ARID2: variants seen among roughly 807,000 people sequenced by gnomAD.
The protein encoded by ARID2 is AT-rich interaction domain 2, also known as AT-rich interactive domain-containing protein 2.
ARID2 carries 32 observed loss-of-function variants against 184.6 expected under a neutral mutation model. That is an observed-to-expected ratio of 0.17 (90% CI 0.13 to 0.23). ARID2 has a LOEUF of 0.23. ARID2 is among the 10% of genes least tolerant of loss of function. The pLI, the probability that ARID2 is intolerant of heterozygous loss-of-function variation, is 1.00. For missense variants in ARID2, 1,696 were observed against 2,197.6 expected, an observed-to-expected ratio of 0.77 and a Z score of 4.56; for synonymous variants, 836 against 772.6, an observed-to-expected ratio of 1.08 and a Z score of -1.36.
At chr12:45,805,121 G>T (rs2138073741) in intron 3 of ARID2, among the ~76,000 whole-genome samples, 1 of 151,952 alleles carries the variant, frequency 6.6e-6, no homozygotes, top group South Asian at 2.1e-4. Flanking sequence ...TTTTATTTTA[G>T]GGTGTATGCC....
At chr12:45,759,366 ACTGT>A (rs576095957) in intron 3 of ARID2, among the ~76,000 whole-genome samples, 102 of 152,276 alleles carry the variant, frequency 6.7e-4, no homozygotes, top group South Asian at 3.5e-3. Context: ...TGATGTACAG[ACTGT>A]CTATCAAAAA....
At chr12:45,798,350 G>A (rs1419824876) in intron 3 of ARID2, among the ~76,000 whole-genome samples, 6 of 152,154 alleles carry the variant, frequency 3.9e-5, no homozygotes, top group African/African-American at 1.4e-4. Flanking sequence ...TACAAACAAT[G>A]TAAATCAGTC....
rs557392132 is a variant in ARID2 at position 45,870,095 on chromosome 12, C to G, written c.4922+9146C>G. Among the ~76,000 whole-genome samples the G allele has an allele frequency of 4.6e-5, 7 of 152,094 alleles. No individual in the cohort carries two copies. The South Asian group carries it at 1.5e-3, about 32-fold the overall frequency. On this transcript the variant is annotated intron_variant, in intron 16 of 20. Transcript: ENST00000334344. ...CCGCCTCCTGGGTTCACGCCATTCT[C>G]CTGCCTCAGCCTCCTGAGTAGCTGG...
At chr12:45,779,696 T>C (rs1043010331) in intron 3 of ARID2, among the ~76,000 whole-genome samples, 1 of 152,120 alleles carries the variant, frequency 6.6e-6, no homozygotes, top group Non-Finnish European at 1.5e-5. Context: ...TTTTCTGTCA[T>C]CTTTTAGTTT....
At chr12:45,782,019 A>G (rs1246983940) in intron 3 of ARID2, among the ~76,000 whole-genome samples, 1 of 152,190 alleles carries the variant, frequency 6.6e-6, no homozygotes, top group Non-Finnish European at 1.5e-5. Context: ...GAGGTATAAA[A>G]AGTTAATATA....
At chr12:45,739,488 A>C (rs1592046508) in intron 3 of ARID2, among the ~76,000 whole-genome samples, 1 of 114,062 alleles carries the variant, frequency 8.8e-6, no homozygotes, top group African/African-American at 3.4e-5. Flanking sequence ...TCTGTCGCCC[A>C]GGCTGGAGTG....
chr12:45,768,474 A>G (rs190108137), intron 3 of ARID2, among the ~76,000 whole-genome samples: 6 of 152,304 alleles, frequency 3.9e-5, no homozygotes, highest in African/African-American at 1.4e-4. Flanking sequence ...GAAGTGCACC[A>G]TTGTTCCCCA....
In ARID2 at chr12:45,829,280, CAAG is replaced by C. The variant is rs533112886; in HGVS notation, c.706-7306_706-7304del. 5.9e-5 allele frequency among the ~76,000 whole-genome samples: 9 copies of C among 152,110 alleles called. No individual in the cohort carries two copies. The South Asian group carries it at 1.9e-3, about 32-fold the overall frequency. ...GGCTTGAAAGTACCAGATTTTTAGTCAAGAAACTGAAATTCTTCCTACTACATT... is the reference window on the plus strand; with the variant it reads ...GGCTTGAAAGTACCAGATTTTTAGTCAAACTGAAATTCTTCCTACTACATT... On this transcript the variant is annotated intron_variant, in intron 6 of 20. Coordinates refer to ENST00000334344, the MANE Select transcript of ARID2 (RefSeq NM_152641.4).
intron 16 of ARID2, among the ~76,000 whole-genome samples, chr12:45,884,655 C>A (rs1204976650): frequency 3.3e-5 from 5 of 152,194 alleles, no homozygotes; most frequent in Non-Finnish European, 7.3e-5. Flanking sequence ...ATACAGAAAT[C>A]TTTTCCTGTA....
At chr12:45,862,005 A>G (rs1943758062) in intron 16 of ARID2, among the ~76,000 whole-genome samples, 1 of 152,228 alleles carries the variant, frequency 6.6e-6, no homozygotes, top group African/African-American at 2.4e-5. Flanking sequence ...TTTGTGATAT[A>G]GATATTATAC....
rs138640599 is a variant in ARID2 at position 45,885,883 on chromosome 12, A to C, written c.4923-5897A>C. On this transcript the variant is annotated intron_variant, in intron 16 of 20. Coordinates refer to ENST00000334344, the MANE Select transcript of ARID2 (RefSeq NM_152641.4). ...CTCCTACTGGGTCCCTCCTATGACA[A>C]GTAAGGATTATGGGAACTACAATTC... Among the ~76,000 whole-genome samples the C allele has an allele frequency of 7.0e-3, 1,073 of 152,284 alleles. 10 individuals are homozygous for C. The highest frequency in any genetic ancestry group is 0.024 in the African/African-American group (1,013 of 41,560).
chr12:45,891,964 T>C (rs770887467), intron 17 of ARID2, 46 bp downstream of exon 17: 1 of 1,613,944 alleles, frequency 6.2e-7, no homozygotes, highest in South Asian at 1.1e-5. Context: ...TTTGACTGCA[T>C]TAAAGATTTT....
chr12:45,781,322 A>G (rs542185845), intron 3 of ARID2, among the ~76,000 whole-genome samples: 427 of 50,922 alleles, frequency 8.4e-3, no homozygotes, highest in Non-Finnish European at 0.014. Context: ...AAACTCACTC[A>G]GTGATTGTTG....
At chr12:45,749,414 C>T (rs898005280) in intron 3 of ARID2, among the ~76,000 whole-genome samples, 1 of 152,102 alleles carries the variant, frequency 6.6e-6, no homozygotes, top group African/African-American at 2.4e-5. Context: ...TTATAGAGTA[C>T]AGACAGAGTA....
At chr12:45,758,133 ATACT>A (rs1941603951) in intron 3 of ARID2, among the ~76,000 whole-genome samples, 1 of 152,202 alleles carries the variant, frequency 6.6e-6, no homozygotes, top group Admixed American at 6.5e-5. Context: ...GACATATTAC[ATACT>A]TTTTTCTTGA....
At chr12:45,897,532 C>T (rs1184736666) in intron 20 of ARID2, among the ~76,000 whole-genome samples, 1 of 152,182 alleles carries the variant, frequency 6.6e-6, no homozygotes, top group African/African-American at 2.4e-5. Context: ...GAATGCCTAA[C>T]TACTGTGTAA....
At chr12:45,872,480 A>T (rs7306774) in intron 16 of ARID2, among the ~76,000 whole-genome samples, 14,384 of 152,212 alleles carry the variant, frequency 0.094, 2,285 homozygotes, top group African/African-American at 0.32. Context: ...TAAAGAATAA[A>T]GGTTTAATTG....
At chr12:45,844,467 A>G (rs574212937) in intron 11 of ARID2, among the ~76,000 whole-genome samples, 15 of 152,296 alleles carry the variant, frequency 9.8e-5, no homozygotes, top group African/African-American at 3.1e-4. Flanking sequence ...TTTAGAACAA[A>G]CCAAGGGGCC....
rs919664929 is a variant in ARID2, at chr12:45,907,365, G to T, written c.*2287G>T. On this transcript the variant is annotated 3_prime_UTR_variant, in exon 21 of 21. Transcript: ENST00000334344. The stretch of plus-strand genomic sequence containing the variant: ...GTGGTAATTAAATTAATAGAAAAGA[G>T]AACAAACTGCAGGTTTAGAAAAATG... The T allele has an allele frequency of 4.3e-6, 1 of 233,186 alleles. No individual in the cohort carries two copies. The highest frequency in any genetic ancestry group is 2.2e-5 in the African/African-American group (1 of 45,300). 14.4% of individuals were successfully genotyped at this position (233,186 alleles called of 1,614,324 possible).
Sources: allele counts gnomAD v4.1 joint callset (sites outside exome capture counted in the v4.1 genomes callset), GRCh38; gene constraint gnomAD v4.1.1; transcripts MANE v1.5; gene names NCBI Gene and HGNC (gene_info 2026-07-23, HGNC 2026-07-21).